The following UBE2G1 variants were observed in gnomAD, a reference collection of about 807,000 sequenced individuals.
UBE2G1 encodes the protein ubiquitin-conjugating enzyme E2 G1.
Under a neutral mutation model 22.7 loss-of-function variants are expected in UBE2G1, and 5 were observed. That is an observed-to-expected ratio of 0.22 (90% CI 0.12 to 0.46). UBE2G1 has a LOEUF of 0.46. UBE2G1 is among the 20% of genes least tolerant of loss of function. The probability of loss-of-function intolerance (pLI) is 0.99; values close to 1 mark genes in which losing one functional copy is unlikely to be tolerated. For missense variants in UBE2G1, 88 were observed against 203.9 expected, an observed-to-expected ratio of 0.43 and a Z score of 3.46; for synonymous variants, 74 against 67.5, an observed-to-expected ratio of 1.10 and a Z score of -0.47.
chr17:4,307,210 T>A, intron 1 of UBE2G1, 87 bp from the exon 2 acceptor site: 5 of 1,160,864 alleles, frequency 4.3e-6, no homozygotes, highest in Non-Finnish European at 6.3e-6. Context: ...CGTACATGTT[T>A]TATGTAAGTT....
intron 5 of UBE2G1, among the ~76,000 whole-genome samples, chr17:4,275,745 A>C (rs1298651918): frequency 6.6e-6 from 1 of 152,186 alleles, no homozygotes; most frequent in African/African-American, 2.4e-5. Flanking sequence ...GTAAGTGAAA[A>C]CAGCCAATAC....
intron 4 of UBE2G1, among the ~76,000 whole-genome samples, chr17:4,285,526 T>G (rs1285604364): frequency 6.6e-6 from 1 of 152,014 alleles, no homozygotes; most frequent in Admixed American, 6.6e-5. Context: ...TACTCTAGGA[T>G]GAAGGAAGAA....
chr17:4,344,345 C>A (rs1300866494), intron 1 of UBE2G1, among the ~76,000 whole-genome samples: 1 of 151,910 alleles, frequency 6.6e-6, no homozygotes, highest in African/African-American at 2.4e-5. Flanking sequence ...TTGAAACCAT[C>A]CTGACTAACA....
intron 1 of UBE2G1, among the ~76,000 whole-genome samples, chr17:4,312,312 T>A (rs75616258): frequency 0.026 from 3,889 of 150,352 alleles, 163 homozygotes; most frequent in African/African-American, 0.089. Flanking sequence ...ACTGAGGTTG[T>A]AAGTTGATGC....
chr17:4,318,875 A>G (rs139801664), intron 1 of UBE2G1, among the ~76,000 whole-genome samples: 111 of 152,354 alleles, frequency 7.3e-4, no homozygotes, highest in Admixed American at 1.6e-3. Context: ...TCAACCACCA[A>G]ATAATACATA....
chr17:4,340,894 T>TAA lies in UBE2G1; in HGVS notation c.46+25375_46+25376dup, dbSNP rs778447316. Reference sequence around the variant, plus strand: ...CACCCGGCCCCTTAATTCACGTATTTAAAAAAAAAAAAAAAAAACAAAACC... The same window carrying TAA: ...CACCCGGCCCCTTAATTCACGTATTTAAAAAAAAAAAAAAAAAAAACAAAACC... On this transcript the variant is annotated intron_variant, in intron 1 of 5. Coordinates refer to ENST00000396981, the MANE Select transcript of UBE2G1 (RefSeq NM_003342.5). Among the ~76,000 whole-genome samples, 157 of 111,040 alleles carry TAA rather than the reference T, an allele frequency of 1.4e-3. 4 individuals are homozygous for TAA. Among genetic ancestry groups the TAA allele is most frequent in the African/African-American group, 5.1e-3 (131 of 25,590 alleles). The allele number at this position is 111,040 out of a possible 152,430, so 72.8% of individuals were successfully genotyped here.
At chr17:4,276,767 G>A (rs1968826280) in intron 5 of UBE2G1, among the ~76,000 whole-genome samples, 1 of 152,196 alleles carries the variant, frequency 6.6e-6, no homozygotes, top group African/African-American at 2.4e-5. Flanking sequence ...AGGTTTGTCA[G>A]GAGGTGCTCT....
chr17:4,315,800 C>CTT (rs368086814), intron 1 of UBE2G1, among the ~76,000 whole-genome samples: 1 of 105,290 alleles, frequency 9.5e-6, no homozygotes, highest in African/African-American at 3.9e-5. Context: ...AAAGAGGCTC[C>CTT]TTTTTTTTTT....
intron 4 of UBE2G1, among the ~76,000 whole-genome samples, 158 bp from the exon 5 acceptor site, chr17:4,283,079 A>G (rs938200462): frequency 6.6e-6 from 1 of 152,230 alleles, no homozygotes; most frequent in Non-Finnish European, 1.5e-5. Context: ...ATACTTTTTC[A>G]AGACACTACC....
intron 1 of UBE2G1, chr17:4,364,436 C>T (rs1020559828): frequency 6.7e-6 from 1 of 149,312 alleles, no homozygotes; most frequent in Non-Finnish European, 1.5e-5. Flanking sequence ...ACTACAGGCG[C>T]CCGCCACCAC....
chr17:4,308,920 C>T (rs1969277496), intron 1 of UBE2G1, among the ~76,000 whole-genome samples: 3 of 152,116 alleles, frequency 2.0e-5, no homozygotes, highest in African/African-American at 7.2e-5. Context: ...TCAACAACTA[C>T]GATTTAACAA....
Position 4,272,379 on chromosome 17 carries a change from G to A in UBE2G1, c.*175C>T. 5.4e-6 allele frequency: 1 copy of A among 186,486 alleles called. No homozygotes were observed. The highest frequency in any genetic ancestry group is 1.1e-5 in the Non-Finnish European group (1 of 88,606). The allele number at this position is 186,486 out of a possible 1,614,324, so 11.6% of individuals were successfully genotyped here. ...ATCATCTGTAAGTTGGCACTTGTTAGGCTCTTGTCAGCATTGATAACTGGC... is the reference window on the plus strand; with the variant it reads ...ATCATCTGTAAGTTGGCACTTGTTAAGCTCTTGTCAGCATTGATAACTGGC... On this transcript the variant is annotated 3_prime_UTR_variant, in exon 6 of 6. Transcript: ENST00000396981.
chr17:4,292,327 A>C lies in UBE2G1; in HGVS notation c.248-2919T>G, dbSNP rs1021419841. On this transcript the variant is annotated intron_variant, in intron 3 of 5. Coordinates refer to ENST00000396981, the MANE Select transcript of UBE2G1 (RefSeq NM_003342.5). ...GAGACTCTGTCTCAAAAAAAAAAAA[A>C]AAAAAACCCAAACCAAAACCAAACA... is the stretch of plus-strand genomic sequence containing the variant. Among the ~76,000 whole-genome samples, 203 of 151,816 alleles carry C rather than the reference A, an allele frequency of 1.3e-3. 1 individual carries two copies. The highest frequency in any genetic ancestry group is 4.4e-3 in the African/African-American group (181 of 41,456).
chr17:4,282,225 G>A (rs1421598691), intron 5 of UBE2G1, among the ~76,000 whole-genome samples: 2 of 152,118 alleles, frequency 1.3e-5, no homozygotes, highest in Non-Finnish European at 2.9e-5. Context: ...TGGGATTACA[G>A]GCACACGCCA....
chr17:4,299,207 A>G (rs1184810110), intron 2 of UBE2G1, among the ~76,000 whole-genome samples: 2 of 152,192 alleles, frequency 1.3e-5, no homozygotes, highest in Non-Finnish European at 2.9e-5. Context: ...GTCATGATGT[A>G]AAGTATTTCT....
At chr17:4,350,348 A>G (rs1969831339) in intron 1 of UBE2G1, among the ~76,000 whole-genome samples, 1 of 151,876 alleles carries the variant, frequency 6.6e-6, no homozygotes, top group South Asian at 2.1e-4. Context: ...AATCCCAGCT[A>G]CTCAGGTGGC....
intron 2 of UBE2G1, among the ~76,000 whole-genome samples, chr17:4,298,178 G>A (rs189064138): frequency 6.6e-6 from 1 of 152,264 alleles, no homozygotes; most frequent in Non-Finnish European, 1.5e-5. Flanking sequence ...AAAAGTGGGA[G>A]GCCGGACACA....
intron 5 of UBE2G1, among the ~76,000 whole-genome samples, chr17:4,280,713 C>A (rs1968878148): frequency 6.7e-6 from 1 of 150,106 alleles, no homozygotes; most frequent in African/African-American, 2.5e-5. Flanking sequence ...TCTCGGCTCA[C>A]CGCAACCTCC....
intron 1 of UBE2G1, chr17:4,345,919 T>G (rs1188201264): frequency 6.6e-6 from 1 of 152,192 alleles, no homozygotes; most frequent in African/African-American, 2.4e-5. Flanking sequence ...TTCAAAATCA[T>G]AAAATGGATG....
Sources: allele counts gnomAD v4.1 joint callset (sites outside exome capture counted in the v4.1 genomes callset), GRCh38; gene constraint gnomAD v4.1.1; transcripts MANE v1.5; gene names NCBI Gene and HGNC (gene_info 2026-07-23, HGNC 2026-07-21).